Variants in CHST6 observed in about 807,000 individuals in gnomAD.
CHST6 encodes the protein carbohydrate sulfotransferase 6.
For missense variants in CHST6, 698 were observed against 586.2 expected (o/e 1.19, Z -1.97); for synonymous variants, 309 against 276.4 (o/e 1.12, Z -1.17).
chr16:75,489,373 T>G (rs1432715095), intron 1 of CHST6, among the ~76,000 whole-genome samples: 4 of 123,236 alleles, frequency 3.2e-5, no homozygotes, highest in African/African-American at 1.3e-4. Flanking sequence ...CACTCCAGCC[T>G]GGGCAACAAA....
chr16:75,473,059 G>A lies in CHST6; in HGVS notation c.*5582C>T, dbSNP rs1391286679. 1 of 152,230 alleles carries A rather than the reference G, an allele frequency of 6.6e-6. No individual in the cohort carries two copies. Among genetic ancestry groups the A allele is most frequent in the Non-Finnish European group, 1.5e-5 (1 of 68,054 alleles). 9.4% of individuals were successfully genotyped at this position (152,230 alleles called of 1,614,324 possible). On this transcript the variant is annotated 3_prime_UTR_variant, in exon 3 of 3. Coordinates refer to ENST00000332272, the MANE Select transcript of CHST6 (RefSeq NM_021615.5). Reference sequence around the variant, plus strand: ...GGAAATTGGAAGCTGCAGGTGCCAGGAGCCCTCCGTTCTCAAGTGTATCGG... The same window carrying A: ...GGAAATTGGAAGCTGCAGGTGCCAGAAGCCCTCCGTTCTCAAGTGTATCGG...
rs2080029755 is a variant in CHST6 at position 75,472,451 on chromosome 16, T to C, written c.*6190A>G. ...GTCAACAGCAACATGGGCACAGCCTTGAACAATGAAAAAGGAATACAGTTG... is the reference window on the plus strand; with the variant it reads ...GTCAACAGCAACATGGGCACAGCCTCGAACAATGAAAAAGGAATACAGTTG... On this transcript the variant is annotated 3_prime_UTR_variant, in exon 3 of 3. Coordinates refer to ENST00000332272, the MANE Select transcript of CHST6 (RefSeq NM_021615.5). The C allele has an allele frequency of 6.6e-6, 1 of 152,194 alleles. No homozygotes were observed. Among genetic ancestry groups the C allele is most frequent in the African/African-American group, 2.4e-5 (1 of 41,460 alleles). 9.4% of individuals were successfully genotyped at this position (152,194 alleles called of 1,614,324 possible).
At chr16:75,484,076 G>A (rs376555108) in intron 1 of CHST6, among the ~76,000 whole-genome samples, 26 of 151,996 alleles carry the variant, frequency 1.7e-4, no homozygotes, top group Admixed American at 1.6e-3. Context: ...GGTGACTCAC[G>A]CCTGTAAACC....
At chr16:75,487,470 G>A (rs528373002) in intron 1 of CHST6, among the ~76,000 whole-genome samples, 1 of 151,940 alleles carries the variant, frequency 6.6e-6, no homozygotes, top group African/African-American at 2.4e-5. Context: ...TTTGGGACAA[G>A]CCTGACCAAC....
chr16:75,493,494 G>T lies in CHST6; in HGVS notation c.-92+1446C>A, dbSNP rs1440880428. 3.4e-5 allele frequency among the ~76,000 whole-genome samples: 5 copies of T among 149,188 alleles called. No homozygotes were observed. The East Asian group carries it at 1.0e-3, about 30-fold the overall frequency. On this transcript the variant is annotated intron_variant, in intron 1 of 2. Transcript: ENST00000332272. ...TCACTTTCACTGCACTCCAGCCTCG[G>T]TGACAGAGCGAGACTCCGTATCAAA...
chr16:75,478,998 C>A lies in CHST6; in HGVS notation c.831G>T (p.Ala277=). The change falls in exon 3 of 3, where the codon GCG becomes GCT. Residue 277 remains alanine (A), a synonymous_variant. Coordinates refer to ENST00000332272, the MANE Select transcript of CHST6 (RefSeq NM_021615.5). ...RYRLVRFEDL[A]REPLAEIRAL... ...CACGGATTTCTGCCAGCGGCTCCCG[C>A]GCCAGGTCCTCGAAGCGCACCAGGC... The A allele has an allele frequency of 6.2e-7, 1 of 1,612,258 alleles. No homozygotes were observed. The highest frequency in any genetic ancestry group is 8.5e-7 in the Non-Finnish European group (1 of 1,179,932).
chr16:75,479,218 G>A lies in CHST6; in HGVS notation c.611C>T (p.Pro204Leu). 3 of 1,610,228 alleles carry A rather than the reference G, an allele frequency of 1.9e-6. No individual in the cohort carries two copies. The highest frequency in any genetic ancestry group is 1.3e-5 in the African/African-American group (1 of 75,046). Reference sequence around the variant, plus strand: ...CTCCCGGGAGCGCAGCACGGCCCGCGGGTCGCGCACCAGGTGCACGATGCG... The same window carrying A: ...CTCCCGGGAGCGCAGCACGGCCCGCAGGTCGCGCACCAGGTGCACGATGCG... ...NLRIVHLVRDPRAVLRSREQT... is the reference protein window; with the variant it reads ...NLRIVHLVRDLRAVLRSREQT... The change falls in exon 3 of 3, where the codon CCG becomes CTG. Residue 204 changes from proline to leucine, a missense_variant. Pro to Leu is a moderately conservative substitution (Grantham distance 98). Transcript: ENST00000332272.
At chr16:75,483,362 G>A (rs956928259) in intron 1 of CHST6, among the ~76,000 whole-genome samples, 3 of 152,162 alleles carry the variant, frequency 2.0e-5, no homozygotes, top group Non-Finnish European at 4.4e-5. Context: ...TGTGTTCCAG[G>A]GAAGCCAGAG....
rs755518966 is a variant in CHST6 at position 75,478,982 on chromosome 16, C to A, written c.847G>T (p.Glu283Ter). 1.2e-5 allele frequency: 20 copies of A among 1,612,680 alleles called. No individual in the cohort carries two copies. Among genetic ancestry groups the A allele is most frequent in the African/African-American group, 2.7e-5 (2 of 74,946 alleles). ...GTGAAGGCGTAGAGCGCACGGATTT[C>A]TGCCAGCGGCTCCCGCGCCAGGTCC... The part of the protein sequence containing the change: ...FEDLAREPLA[E>*]IRALYAFTGL... Residue 283 changes from glutamate (E) to a stop codon, truncating the protein, a stop_gained, in exon 3 of 3, where the codon GAA becomes TAA. Coordinates refer to ENST00000332272, the MANE Select transcript of CHST6 (RefSeq NM_021615.5). LOFTEE classifies it low-confidence loss of function (END_TRUNC).
intron 1 of CHST6, among the ~76,000 whole-genome samples, chr16:75,484,167 G>A (rs576783157): frequency 4.5e-4 from 68 of 151,274 alleles, no homozygotes; most frequent in Middle Eastern, 3.4e-3. Context: ...GTGAAACCCC[G>A]TCTCTACTAA....
At chr16:75,490,073 C>T (rs912140258) in intron 1 of CHST6, among the ~76,000 whole-genome samples, 7 of 135,898 alleles carry the variant, frequency 5.2e-5, no homozygotes, top group African/African-American at 2.0e-4. Flanking sequence ...AGCTACTCGG[C>T]GGGGAGGGAG....
chr16:75,493,293 G>T (rs796752513), intron 1 of CHST6, among the ~76,000 whole-genome samples: 1 of 151,902 alleles, frequency 6.6e-6, no homozygotes, highest in Non-Finnish European at 1.5e-5. Context: ...GGCGGATCAC[G>T]AGGTCAGGAG....
In CHST6 at chr16:75,476,980, G is replaced by A. The variant is rs2080072929; in HGVS notation, c.*1661C>T. 6.6e-6 allele frequency: 1 copy of A among 152,188 alleles called. No individual in the cohort carries two copies. Among genetic ancestry groups the A allele is most frequent in the African/African-American group, 2.4e-5 (1 of 41,452 alleles). 9.4% of individuals were successfully genotyped at this position (152,188 alleles called of 1,614,324 possible). On this transcript the variant is annotated 3_prime_UTR_variant, in exon 3 of 3. Transcript: ENST00000332272. ...GCTGTTCTTGAATGCCTGACCTCAG[G>A]TGATTCATCCCCCTCGGCCTCCCAC...
chr16:75,472,190 AGGT>A lies in CHST6; in HGVS notation c.*6448_*6450del, dbSNP rs1422169235. The A allele has an allele frequency of 1.3e-5, 2 of 152,248 alleles. No homozygotes were observed. The highest frequency in any genetic ancestry group is 4.8e-5 in the African/African-American group (2 of 41,466). 9.4% of individuals were successfully genotyped at this position (152,248 alleles called of 1,614,324 possible). On this transcript the variant is annotated 3_prime_UTR_variant, in exon 3 of 3. Transcript: ENST00000332272. ...AACTTTTTGAAATTTGATTGTGATG[AGGT>A]GGTGATTTGATTTCACAGGTATATA... is the stretch of plus-strand genomic sequence containing the variant.
Position 75,494,963 on chromosome 16 carries a change from G to C in CHST6, c.-115C>G, listed in dbSNP as rs886052324. 22 of 152,336 alleles carry C rather than the reference G, an allele frequency of 1.4e-4. No homozygotes were observed. Among genetic ancestry groups the C allele is most frequent in the Admixed American group, 3.9e-4 (6 of 15,290 alleles). The allele number at this position is 152,336 out of a possible 1,614,324, so 9.4% of individuals were successfully genotyped here. On this transcript the variant is annotated 5_prime_UTR_variant, in exon 1 of 3. Coordinates refer to ENST00000332272, the MANE Select transcript of CHST6 (RefSeq NM_021615.5). Reference sequence around the variant, plus strand: ...ACCCCAAAGCTTGGCGGCTCTGCCCGAGCTGCAGCGGCACGGTGGGGGACG... The same window carrying C: ...ACCCCAAAGCTTGGCGGCTCTGCCCCAGCTGCAGCGGCACGGTGGGGGACG...
chr16:75,490,196 AG>A (rs1206212343), intron 1 of CHST6, among the ~76,000 whole-genome samples: 3 of 133,470 alleles, frequency 2.2e-5, no homozygotes, highest in Non-Finnish European at 4.8e-5. Context: ...AAAAAAAAAA[AG>A]GCCGGGCACA....
chr16:75,486,437 T>G (rs1336051301), intron 1 of CHST6, among the ~76,000 whole-genome samples: 1 of 152,224 alleles, frequency 6.6e-6, no homozygotes. Context: ...GTGGCTCAGA[T>G]GGGGCTGATC....
At chr16:75,491,201 A>ACT (rs2080252884) in intron 1 of CHST6, among the ~76,000 whole-genome samples, 4 of 126,368 alleles carry the variant, frequency 3.2e-5, no homozygotes, top group Non-Finnish European at 6.5e-5. Context: ...ATATATATAT[A>ACT]TATATATATA....
At chr16:75,491,279 A>G (rs1405249689) in intron 1 of CHST6, among the ~76,000 whole-genome samples, 1 of 147,526 alleles carries the variant, frequency 6.8e-6, no homozygotes, top group Non-Finnish European at 1.5e-5. Context: ...TTCTATCTCA[A>G]TAAAGCCATT....
Sources: allele counts gnomAD v4.1 joint callset (sites outside exome capture counted in the v4.1 genomes callset), GRCh38; gene constraint gnomAD v4.1.1; transcripts MANE v1.5; gene names NCBI Gene and HGNC (gene_info 2026-07-23, HGNC 2026-07-21).